The following FRMD5 variants were observed in gnomAD, a reference collection of about 807,000 sequenced individuals.
FRMD5 encodes the protein FERM domain-containing protein 5.
A neutral mutation model predicts 69.0 loss-of-function variants in FRMD5; 20 were observed. That is an observed-to-expected ratio of 0.29 (90% CI 0.20 to 0.42). The LOEUF (loss-of-function observed/expected upper bound fraction) is 0.42. FRMD5 is among the 10% of genes least tolerant of loss of function. FRMD5 has a pLI of 1.00. For synonymous variants in FRMD5, 271 were observed against 260.1 expected, an observed-to-expected ratio of 1.04 and a Z score of -0.40; for missense variants, 595 against 708.6, an observed-to-expected ratio of 0.84 and a Z score of 1.82.
At chr15:44,075,806 G>A (rs1188958554) in intron 1 of FRMD5, among the ~76,000 whole-genome samples, 2 of 152,102 alleles carry the variant, frequency 1.3e-5, no homozygotes, top group Non-Finnish European at 2.9e-5. Flanking sequence ...CACAAGTCCC[G>A]ACAAGCAGAG....
At chr15:43,879,393 C>A in intron 13 of FRMD5, 1 of 397,852 alleles carries the variant, frequency 2.5e-6, no homozygotes, top group Non-Finnish European at 4.4e-6. Context: ...AAAGCCACCA[C>A]CTGTCCTGCC....
chr15:43,926,043 C>T (rs752092080), intron 1 of FRMD5, among the ~76,000 whole-genome samples: 2 of 152,190 alleles, frequency 1.3e-5, no homozygotes, highest in Non-Finnish European at 2.9e-5. Context: ...CAGAACTTAG[C>T]ACAGGGCCTG....
At chr15:44,052,719 T>C (rs1167469467) in intron 1 of FRMD5, among the ~76,000 whole-genome samples, 3 of 152,190 alleles carry the variant, frequency 2.0e-5, no homozygotes, top group Non-Finnish European at 4.4e-5. Flanking sequence ...AGTGAACAAT[T>C]ACACTCCATT....
At chr15:43,939,154 T>G (rs1327285398) in intron 1 of FRMD5, among the ~76,000 whole-genome samples, 3 of 152,058 alleles carry the variant, frequency 2.0e-5, no homozygotes, top group Non-Finnish European at 2.9e-5. Flanking sequence ...TACAGGTGTG[T>G]GAGCCACTGT....
intron 1 of FRMD5, among the ~76,000 whole-genome samples, chr15:44,039,338 C>T (rs1892080197): frequency 6.6e-6 from 1 of 152,226 alleles, no homozygotes; most frequent in African/African-American, 2.4e-5. Flanking sequence ...GACAGGCTGC[C>T]TCCTCAAGTG....
intron 1 of FRMD5, among the ~76,000 whole-genome samples, chr15:44,017,414 A>G (rs543678045): frequency 1.3e-4 from 20 of 151,970 alleles, no homozygotes; most frequent in African/African-American, 4.6e-4. Context: ...GAGATCATGT[A>G]TCTGCCAGTA....
chr15:43,892,752 AG>A (rs1205721005), intron 7 of FRMD5, among the ~76,000 whole-genome samples: 1 of 152,232 alleles, frequency 6.6e-6, no homozygotes, highest in African/African-American at 2.4e-5. Flanking sequence ...ACAAAAAATC[AG>A]GTTGTGATCT....
intron 1 of FRMD5, among the ~76,000 whole-genome samples, chr15:44,109,585 T>C (rs1410281810): frequency 6.6e-6 from 1 of 151,892 alleles, no homozygotes; most frequent in African/African-American, 2.4e-5. Context: ...CCCCCAACTA[T>C]TGACATCCCA....
intron 1 of FRMD5, among the ~76,000 whole-genome samples, chr15:43,965,297 G>A (rs143477730): frequency 1.8e-4 from 28 of 152,284 alleles, no homozygotes; most frequent in African/African-American, 6.3e-4. Flanking sequence ...AAAACCATCT[G>A]ATGTGCACTA....
chr15:43,948,739 T>A (rs1396818346), intron 1 of FRMD5, among the ~76,000 whole-genome samples: 1 of 152,174 alleles, frequency 6.6e-6, no homozygotes, highest in Admixed American at 6.5e-5. Flanking sequence ...CTAAGAATTC[T>A]CCGAAAAGGA....
chr15:43,927,739 TTTTTA>T (rs1470030791), intron 1 of FRMD5, among the ~76,000 whole-genome samples: 2 of 152,180 alleles, frequency 1.3e-5, no homozygotes, highest in African/African-American at 4.8e-5. Flanking sequence ...TGCTTTTTTT[TTTTTA>T]ATGAAAAAAT....
chr15:44,136,342 A>G (rs1214870074), intron 1 of FRMD5, among the ~76,000 whole-genome samples: 1 of 152,136 alleles, frequency 6.6e-6, no homozygotes. Context: ...AACTTTTCTT[A>G]TCAGGTGCAA....
chr15:43,980,451 C>T (rs2090530951), intron 1 of FRMD5, among the ~76,000 whole-genome samples: 1 of 152,158 alleles, frequency 6.6e-6, no homozygotes, highest in Admixed American at 6.5e-5. Context: ...CCTTATTTAC[C>T]TCCTAAAGTC....
chr15:44,001,796 AT>A (rs1235695453), intron 1 of FRMD5, among the ~76,000 whole-genome samples: 1 of 151,924 alleles, frequency 6.6e-6, no homozygotes, highest in Non-Finnish European at 1.5e-5. Flanking sequence ...TTTTGTAAAA[AT>A]GGGGTTTCAA....
At chr15:43,962,259 T>C (rs1353398751) in intron 1 of FRMD5, among the ~76,000 whole-genome samples, 4 of 151,986 alleles carry the variant, frequency 2.6e-5, no homozygotes, top group East Asian at 3.9e-4. Context: ...TAAACACCAA[T>C]AACAGACAAA....
intron 1 of FRMD5, among the ~76,000 whole-genome samples, chr15:44,175,021 T>C (rs2077869908): frequency 1.3e-5 from 2 of 152,180 alleles, no homozygotes; most frequent in Admixed American, 6.6e-5. Flanking sequence ...TGTAAACCTA[T>C]GAAACAAACC....
At chr15:44,184,025 C>T (rs1187924259) in intron 1 of FRMD5, among the ~76,000 whole-genome samples, 2 of 151,998 alleles carry the variant, frequency 1.3e-5, no homozygotes, top group African/African-American at 4.8e-5. Flanking sequence ...CCTCAACCTG[C>T]TTCTCCAGAT....
At chr15:44,065,808 T>C (rs1472488727) in intron 1 of FRMD5, among the ~76,000 whole-genome samples, 4 of 152,208 alleles carry the variant, frequency 2.6e-5, no homozygotes, top group East Asian at 1.9e-4. Flanking sequence ...GTTTACAAAG[T>C]TCCTGCACTC....
upstream of FRMD5, among the ~76,000 whole-genome samples, chr15:44,195,753 T>C (rs2078284765): frequency 1.3e-5 from 2 of 152,204 alleles, 1 homozygote; most frequent in South Asian, 4.1e-4. Context: ...TGCTGTACCC[T>C]AAGTTGGCCC....
Sources: gnomAD v4.1 joint callset for allele counts (sites outside exome capture counted in the v4.1 genomes callset) on GRCh38, gnomAD v4.1.1 for gene constraint, MANE v1.5 for transcripts, NCBI Gene and HGNC (gene_info 2026-07-23, HGNC 2026-07-21) for gene names.